The following KCTD17 variants were observed in gnomAD, a reference collection of about 807,000 sequenced individuals.
The protein encoded by KCTD17 is potassium channel tetramerization domain containing 17, also known as BTB/POZ domain-containing protein KCTD17.
Under a neutral mutation model 41.5 loss-of-function variants are expected in KCTD17, and 20 were observed. That is an observed-to-expected ratio of 0.48 (90% CI 0.34 to 0.70). The LOEUF (loss-of-function observed/expected upper bound fraction) is 0.70, where lower values mean the gene tolerates loss of function less well. Ranked by LOEUF, KCTD17 falls within the 30% of genes least tolerant of loss-of-function variation. KCTD17 has a pLI of 0.01. For missense variants in KCTD17, 317 were observed against 427.2 expected, an observed-to-expected ratio of 0.74 and a Z score of 2.27; for synonymous variants, 156 against 173.8, an observed-to-expected ratio of 0.90 and a Z score of 0.80.
At position 37,061,748 on chromosome 22, in the gene KCTD17, G is replaced by A. The variant is rs754048710; in HGVS notation, c.875+119G>A. ...CTCCACCCACCAAAGTTTCTCATCC[G>A]ACCTTGGCCTTGGGGGTGAGGCTCT... On this transcript the variant is annotated intron_variant, in intron 8 of 8. Coordinates refer to ENST00000403888, the MANE Select transcript of KCTD17 (RefSeq NM_001282684.2). The surrounding 1 kb of genome is among the most constrained non-coding windows in gnomAD (Gnocchi z 6.6). 6.2e-5 allele frequency: 91 copies of A among 1,459,448 alleles called. No homozygotes were observed. The highest frequency in any genetic ancestry group is 8.4e-5 in the African/African-American group (6 of 71,370). The allele number at this position is 1,459,448 out of a possible 1,614,324, so 90.4% of individuals were successfully genotyped here. A position where few individuals can be genotyped will look rare whatever the true frequency, so the allele number is the denominator to read the frequency against.
chr22:37,061,629 G>A lies in KCTD17; in HGVS notation c.875G>A (p.Cys292Tyr). 6.3e-7 allele frequency: 1 copy of A among 1,596,558 alleles called. No homozygotes were observed. The highest frequency in any genetic ancestry group is 8.5e-7 in the Non-Finnish European group (1 of 1,178,114). Residue 292 changes from cysteine (C) to tyrosine (Y), a missense_variant and splice_region_variant, in exon 8 of 9, where the codon TGC (cysteine) becomes TAC (tyrosine). By Grantham distance (194) the Cys-to-Tyr change is radical. This residue lies in a region of KCTD17 where 177 missense variants were observed against 194.4 expected (regional missense o/e 0.91). Transcript: ENST00000403888. The surrounding 1 kb of genome is among the most constrained non-coding windows in gnomAD (Gnocchi z 6.6). ...GCCCGCCCCCAGAGCTGCCATCCCT[G>A]GTTTGTAGCTTGGCGGTGCTGGAGG... is the stretch of plus-strand genomic sequence containing the variant. Reference protein sequence around the residue: ...PLARPQSCHPCCYKPEAPGCE... With the variant: ...PLARPQSCHPYCYKPEAPGCE...
rs765351259 is a variant in KCTD17 at position 37,059,385 on chromosome 22, G to A, written c.559G>A (p.Glu187Lys). ...QAEFLCVVSKELHSTPNGLSS... is the reference protein window; with the variant it reads ...QAEFLCVVSKKLHSTPNGLSS... The stretch of plus-strand genomic sequence containing the variant: ...AGAGTTCCTGTGTGTGGTGTCCAAG[G>A]AGCTCCACAGCACCCCAAACGGGCT... The change falls in exon 5 of 9, where the codon GAG becomes AAG. Residue 187 changes from glutamate (E) to lysine (K), a missense_variant. By Grantham distance (56) the Glu-to-Lys change is moderately conservative. Around this residue, in one of 4 missense-constraint regions of KCTD17, gnomAD observed 177 missense variants for 194.4 expected, o/e 0.91. Coordinates refer to ENST00000403888, the MANE Select transcript of KCTD17 (RefSeq NM_001282684.2). 6.2e-7 allele frequency: 1 copy of A among 1,612,866 alleles called. No individual in the cohort carries two copies. The highest frequency in any genetic ancestry group is 1.1e-5 in the South Asian group (1 of 91,072).
At chr22:37,054,403 G>A (rs553412984) in intron 2 of KCTD17, among the ~76,000 whole-genome samples, 5 of 149,306 alleles carry the variant, frequency 3.3e-5, no homozygotes, top group African/African-American at 1.3e-4. Context: ...GGTTATCTGG[G>A]GGCTAGGGGA....
intron 2 of KCTD17, chr22:37,055,224 C>T (rs567062422): frequency 2.0e-5 from 3 of 152,328 alleles, no homozygotes; most frequent in South Asian, 4.1e-4. Context: ...CTCACAGCTT[C>T]GGGAGGGACA....
In KCTD17 at chr22:37,061,443, C is replaced by A. The variant is rs1925772111; in HGVS notation, c.785-96C>A. ...CGCAGCTGCACCTCCTCTGTGCCCA[C>A]TAACCCTGCCGGGCACCTCTGAGAC... On this transcript the variant is annotated intron_variant, in intron 7 of 8. Transcript: ENST00000403888. This position sits in a 1 kb window ranked among gnomAD's most constrained non-coding sequence, Gnocchi z 6.6. 11 of 1,505,592 alleles carry A rather than the reference C, an allele frequency of 7.3e-6. No individual in the cohort carries two copies. Among genetic ancestry groups the A allele is most frequent in the Non-Finnish European group, 8.9e-6 (10 of 1,127,880 alleles). 93.3% of individuals were successfully genotyped at this position (1,505,592 alleles called of 1,614,324 possible).
In KCTD17 at chr22:37,051,795, C is replaced by T. The variant is rs753632361; in HGVS notation, c.35C>T (p.Ala12Val). Residue 12 changes from alanine (A) to valine (V), a missense_variant, in exon 1 of 9, where the codon GCG (alanine) becomes GTG (valine). Physicochemically the swap from Ala to Val is moderately conservative, Grantham distance 64 (BLOSUM62 0). Around this residue, in one of 4 missense-constraint regions of KCTD17, gnomAD observed 99 missense variants for 166.5 expected, o/e 0.59. Transcript: ENST00000403888. ...RMEAGEAAPP[A>V]GAGGRAAGGW... ...GAGGCCGGGGAGGCAGCGCCGCCGG[C>T]GGGGGCGGGCGGCCGCGCCGCAGGC... 4.1e-5 allele frequency: 51 copies of T among 1,258,646 alleles called. No individual in the cohort carries two copies. The African/African-American group carries it at 7.6e-4, about 19-fold the overall frequency. 78.0% of individuals were successfully genotyped at this position (1,258,646 alleles called of 1,614,324 possible).
chr22:37,056,266 G>A, intron 2 of KCTD17, 54 bp from the exon 3 acceptor site: 5 of 1,498,930 alleles, frequency 3.3e-6, no homozygotes, highest in Non-Finnish European at 4.6e-6. Context: ...AACAAGAGGA[G>A]AATGGGGCAT....
chr22:37,053,181 G>T lies in KCTD17; in HGVS notation c.271G>T (p.Val91Leu), dbSNP rs1223544945. The T allele has an allele frequency of 6.2e-7, 1 of 1,605,880 alleles. No individual in the cohort carries two copies. Among genetic ancestry groups the T allele is most frequent in the Admixed American group, 1.7e-5 (1 of 59,088 alleles). ...ILNFLRHGKL[V>L]LDKDMAEEGV... is the part of the protein sequence containing the mutation. ...GAACTTCCTCCGGCATGGCAAGCTG[G>T]TGCTGGACAAGGACATGGCTGAGGA... Residue 91 changes from valine to leucine, a missense_variant, in exon 2 of 9, where the codon GTG becomes TTG. This residue lies in a region of KCTD17 where 99 missense variants were observed against 166.5 expected (regional missense o/e 0.59). Coordinates refer to ENST00000403888, the MANE Select transcript of KCTD17 (RefSeq NM_001282684.2). This position sits in a 1 kb window ranked among gnomAD's most constrained non-coding sequence, Gnocchi z 4.1.
Position 37,059,452 on chromosome 22 carries a change from C to T in KCTD17, c.612+14C>T. 1.2e-6 allele frequency: 2 copies of T among 1,603,330 alleles called. No homozygotes were observed. The highest frequency in any genetic ancestry group is 4.5e-5 in the East Asian group (2 of 44,840). ...CGCAAAACCAAGGTGAGCCCACCCG[C>T]CTCAGCCTGTGTCCGGAGAAGTCTC... On this transcript the variant is annotated intron_variant, in intron 5 of 8. Transcript: ENST00000403888.
intron 4 of KCTD17, 42 bp downstream of exon 4, chr22:37,057,535 A>T: frequency 4.6e-6 from 7 of 1,531,604 alleles, no homozygotes; most frequent in Non-Finnish European, 6.3e-6. Context: ...CAACCCTGGG[A>T]CCTCCTAGCC....
Position 37,061,057 on chromosome 22 carries a change from G to C in KCTD17, c.713-47G>C. 6.4e-7 allele frequency: 1 copy of C among 1,551,316 alleles called. No individual in the cohort carries two copies. The highest frequency in any genetic ancestry group is 1.2e-5 in the South Asian group (1 of 84,050). ...CCAGGGTTAGCTCAGCCACTTGCCT[G>C]GCGCCTCACCCGCATAACCATCCCT... On this transcript the variant is annotated intron_variant, in intron 6 of 8. Coordinates refer to ENST00000403888, the MANE Select transcript of KCTD17 (RefSeq NM_001282684.2). This position sits in a 1 kb window ranked among gnomAD's most constrained non-coding sequence, Gnocchi z 6.6.
chr22:37,059,203 AG>A, intron 4 of KCTD17, 109 bp from the exon 5 acceptor site: 1 of 1,493,062 alleles, frequency 6.7e-7, no homozygotes, highest in Non-Finnish European at 9.2e-7. Context: ...ACAAGCCGCA[AG>A]ATTAGGACCT....
rs1568980639 is a variant in KCTD17, at chr22:37,053,761, G to A, written c.298+553G>A. On this transcript the variant is annotated intron_variant, in intron 2 of 8. Coordinates refer to ENST00000403888, the MANE Select transcript of KCTD17 (RefSeq NM_001282684.2). The surrounding 1 kb of genome is among the most constrained non-coding windows in gnomAD (Gnocchi z 4.1). Reference sequence around the variant, plus strand: ...GGAGTCTGCTTCCCAGTGGGGCTTTGGTTATCCCCAGGCCTAGGTGGCCGA... The same window carrying A: ...GGAGTCTGCTTCCCAGTGGGGCTTTAGTTATCCCCAGGCCTAGGTGGCCGA... Among the ~76,000 whole-genome samples, 1 of 152,166 alleles carries A rather than the reference G, an allele frequency of 6.6e-6. No individual in the cohort carries two copies. Among genetic ancestry groups the A allele is most frequent in the Non-Finnish European group, 1.5e-5 (1 of 68,014 alleles).
At position 37,062,543 on chromosome 22, in the gene KCTD17, A is replaced by T. The variant is rs758691104; in HGVS notation, c.894A>T (p.Ala298=). 42 of 1,610,906 alleles carry T rather than the reference A, an allele frequency of 2.6e-5. 1 individual carries two copies. The Admixed American group carries it at 6.0e-4, about 23-fold the overall frequency. ...TTTCTAGCTGTTACAAGCCAGAGGCACCCGGATGTGAGGCCCCAGATCACC... is the reference window on the plus strand; with the variant it reads ...TTTCTAGCTGTTACAAGCCAGAGGCTCCCGGATGTGAGGCCCCAGATCACC... The part of the protein sequence containing the change: ...SCHPCCYKPE[A]PGCEAPDHLQ... The change falls in exon 9 of 9, where the codon GCA becomes GCT. Residue 298 remains alanine, a synonymous_variant. Transcript: ENST00000403888.
intron 8 of KCTD17, 110 bp from the exon 9 acceptor site, chr22:37,062,415 T>TC: frequency 2.7e-6 from 3 of 1,126,486 alleles, no homozygotes; most frequent in South Asian, 2.4e-5. Flanking sequence ...TCTCTCCCTC[T>TC]CCCCCACCCG....
At position 37,062,702 on chromosome 22, in the gene KCTD17, C is replaced by T. The variant is rs908746612; in HGVS notation, c.*108C>T. 6.5e-7 allele frequency: 1 copy of T among 1,529,404 alleles called. No homozygotes were observed. The highest frequency in any genetic ancestry group is 1.4e-5 in the African/African-American group (1 of 72,320). 94.7% of individuals were successfully genotyped at this position (1,529,404 alleles called of 1,614,324 possible). ...CCGTGGGGCTGTGACTTACTCCTGC[C>T]TCCAGGGGCGGGGCGGGGCCCCCCT... On this transcript the variant is annotated 3_prime_UTR_variant, in exon 9 of 9. Transcript: ENST00000403888.
Position 37,059,348 on chromosome 22 carries a change from C to A in KCTD17, c.522C>A (p.Ser174Arg). 1.2e-6 allele frequency: 2 copies of A among 1,613,198 alleles called. No individual in the cohort carries two copies. The highest frequency in any genetic ancestry group is 8.5e-7 in the Non-Finnish European group (1 of 1,179,832). ...TCGGCTCCTCCTACAACTACGGCAG[C>A]GAGGACCAGGCAGAGTTCCTGTGTG... The part of the protein sequence containing the change: ...VNIGSSYNYG[S>R]EDQAEFLCVV... The change falls in exon 5 of 9, where the codon AGC (serine) becomes AGA (arginine). Residue 174 changes from serine (S) to arginine (R), a missense_variant. Physicochemically the swap from Ser to Arg is moderately radical, Grantham distance 110. This residue lies in a region of KCTD17 where 177 missense variants were observed against 194.4 expected (regional missense o/e 0.91). Coordinates refer to ENST00000403888, the MANE Select transcript of KCTD17 (RefSeq NM_001282684.2).
rs777391972 is a variant in KCTD17 at position 37,061,533 on chromosome 22, T to C, written c.785-6T>C. On this transcript the variant is annotated splice_polypyrimidine_tract_variant and splice_region_variant and intron_variant, in intron 7 of 8. Transcript: ENST00000403888. The surrounding 1 kb of genome is among the most constrained non-coding windows in gnomAD (Gnocchi z 6.6). Reference sequence around the variant, plus strand: ...CCGGCCTCCTCCTCACGTTTCCTCCTTGCAGGTTCCCGTCCGCACCCTCTC... The same window carrying C: ...CCGGCCTCCTCCTCACGTTTCCTCCCTGCAGGTTCCCGTCCGCACCCTCTC... 2 of 1,600,848 alleles carry C rather than the reference T, an allele frequency of 1.2e-6. No individual in the cohort carries two copies. The highest frequency in any genetic ancestry group is 1.1e-5 in the South Asian group (1 of 90,830).
At chr22:37,052,088 C>A in intron 1 of KCTD17, 139 bp downstream of exon 1, 1 of 1,042,926 alleles carries the variant, frequency 9.6e-7, no homozygotes, top group Non-Finnish European at 1.2e-6. Flanking sequence ...GAAGAAGCGG[C>A]AGGAGGAGGG....
Sources: gnomAD v4.1 joint callset for allele counts (sites outside exome capture counted in the v4.1 genomes callset) on GRCh38, gnomAD v4.1.1 for gene constraint, gnomAD v4.1.1 regional missense constraint, Gnocchi (gnomAD v3.1) non-coding constraint, MANE v1.5 for transcripts, NCBI Gene and HGNC (gene_info 2026-07-23, HGNC 2026-07-21) for gene names.